The following E2F7 variants were observed in gnomAD, a reference collection of about 807,000 sequenced individuals.
E2F7 encodes transcription factor E2F7.
Under a neutral mutation model 81.1 loss-of-function variants are expected in E2F7, and 35 were observed. That is an observed-to-expected ratio of 0.43 (90% confidence interval 0.33 to 0.57). The LOEUF is 0.57. Ranked by LOEUF, E2F7 falls within the 20% of genes least tolerant of loss-of-function variation. The pLI, the probability that E2F7 is intolerant of heterozygous loss-of-function variation, is 0.04. For missense variants in E2F7, 961 were observed against 1,093.7 expected, an observed-to-expected ratio of 0.88 and a Z score of 1.71; for synonymous variants, 416 against 416.2, an observed-to-expected ratio of 1.00 and a Z score of 0.01.
intron 3 of E2F7, among the ~76,000 whole-genome samples, chr12:77,051,058 C>T (rs1398280062): frequency 6.6e-6 from 1 of 152,142 alleles, no homozygotes; most frequent in Non-Finnish European, 1.5e-5. Flanking sequence ...ATCAGCATCA[C>T]CAAGAGCTTG....
chr12:77,046,441 T>G, intron 4 of E2F7, 113 bp from the exon 5 acceptor site: 8 of 1,129,930 alleles, frequency 7.1e-6, no homozygotes, highest in Non-Finnish European at 9.9e-6. Flanking sequence ...CCCAATATAA[T>G]GCCCACTGCG....
In E2F7 at chr12:77,033,106, A is replaced by G. The variant is rs1954819457; in HGVS notation, c.1326T>C (p.Ser442=). Residue 442 remains serine, a synonymous_variant, in exon 9 of 13, where the codon TCT becomes TCC. Coordinates refer to ENST00000322886, the MANE Select transcript of E2F7 (RefSeq NM_203394.3). ...CAGCTGCCAGGCTTCCAATTTCTAAAGAGTAGCCACCTGATCCTGAAAAGG... is the reference window on the plus strand; with the variant it reads ...CAGCTGCCAGGCTTCCAATTTCTAAGGAGTAGCCACCTGATCCTGAAAAGG... ...YREEQGSGGY[S]LEIGSLAAVY... is the part of the protein sequence containing the mutation. The G allele has an allele frequency of 6.2e-7, 1 of 1,613,892 alleles. No homozygotes were observed. The highest frequency in any genetic ancestry group is 2.2e-5 in the East Asian group (1 of 44,862).
At chr12:77,041,441 G>T (rs1001382870) in intron 7 of E2F7, among the ~76,000 whole-genome samples, 4 of 151,948 alleles carry the variant, frequency 2.6e-5, no homozygotes, top group African/African-American at 9.7e-5. Context: ...TCTGCCTGCC[G>T]TGGCCTCCCA....
chr12:77,029,763 T>C (rs1954788998), intron 10 of E2F7, 68 bp downstream of exon 10: 1 of 1,577,660 alleles, frequency 6.3e-7, no homozygotes, highest in African/African-American at 1.4e-5. Context: ...AATATCAGTG[T>C]ATCTTCATTA....
rs772717734 is a variant in E2F7, at chr12:77,046,136, T to A, written c.731A>T (p.Asp244Val). Residue 244 changes from aspartate to valine, a missense_variant, in exon 5 of 13, where the codon GAC becomes GTC. Transcript: ENST00000322886. ...QMAYLQQKEL[D>V]LIDYKFGERK... ...TTCTCCAAATTTATAATCTATCAGG[T>A]CCAGCTCTTTCTGTTGGAGGTAGGC... is the stretch of plus-strand genomic sequence containing the variant. 6.2e-7 allele frequency: 1 copy of A among 1,614,202 alleles called. No individual in the cohort carries two copies. The highest frequency in any genetic ancestry group is 1.1e-5 in the South Asian group (1 of 91,074).
Position 77,057,033 on chromosome 12 carries a change from T to C in E2F7, c.94-903A>G, listed in dbSNP as rs563022675. ...TCCCAAGTAGCTGGGACCACAGACA[T>C]GCACCACTACACCCAAATACTTATA... On this transcript the variant is annotated intron_variant, in intron 2 of 12. Coordinates refer to ENST00000322886, the MANE Select transcript of E2F7 (RefSeq NM_203394.3). Among the ~76,000 whole-genome samples, 388 of 151,902 alleles carry C rather than the reference T, an allele frequency of 2.6e-3. 1 individual carries two copies. Among genetic ancestry groups the C allele is most frequent in the Admixed American group, 4.1e-3 (63 of 15,256 alleles).
At chr12:77,035,071 A>C (rs995106453) in intron 7 of E2F7, among the ~76,000 whole-genome samples, 1 of 152,216 alleles carries the variant, frequency 6.6e-6, no homozygotes, top group African/African-American at 2.4e-5. Context: ...CAGGACATGA[A>C]GGACAGTGAT....
rs1954950288 is a variant in E2F7, at chr12:77,047,178, TTA to T, written c.539-852_539-851del. ...TGTCCATTAAACCTAGCAAAAATACTTATAGTTGTTAAGGGTGGGGGGCTCTT... is the reference window on the plus strand; with the variant it reads ...TGTCCATTAAACCTAGCAAAAATACTTAGTTGTTAAGGGTGGGGGGCTCTT... On this transcript the variant is annotated intron_variant, in intron 4 of 12. Transcript: ENST00000322886. 2.0e-5 allele frequency among the ~76,000 whole-genome samples: 3 copies of T among 152,272 alleles called. No homozygotes were observed. The South Asian group carries it at 6.2e-4, about 32-fold the overall frequency.
At chr12:77,049,509 C>T (rs1037168933) in intron 4 of E2F7, among the ~76,000 whole-genome samples, 1 of 152,178 alleles carries the variant, frequency 6.6e-6, no homozygotes, top group African/African-American at 2.4e-5. Context: ...AAGGTAGGTG[C>T]TGCAGTTTCC....
At chr12:77,052,308 AG>A (rs1954996658) in intron 3 of E2F7, among the ~76,000 whole-genome samples, 1 of 152,166 alleles carries the variant, frequency 6.6e-6, no homozygotes, top group Admixed American at 6.5e-5. Flanking sequence ...AAATAAGTTG[AG>A]GGTCCCATTT....
At chr12:77,047,384 C>T (rs1392883242) in intron 4 of E2F7, among the ~76,000 whole-genome samples, 2 of 152,146 alleles carry the variant, frequency 1.3e-5, no homozygotes, top group African/African-American at 2.4e-5. Flanking sequence ...TTTGTCATTC[C>T]TTTTGGCATG....
chr12:77,060,135 G>A (rs1955066887), intron 2 of E2F7, among the ~76,000 whole-genome samples: 1 of 151,984 alleles, frequency 6.6e-6, no homozygotes, highest in African/African-American at 2.4e-5. Flanking sequence ...GATCCCAAGA[G>A]TACTTCCTAA....
At position 77,023,792 on chromosome 12, in the gene E2F7, C is replaced by CT; in HGVS notation, c.*222dup. The CT allele has an allele frequency of 1.9e-6, 1 of 515,626 alleles. No individual in the cohort carries two copies. The highest frequency in any genetic ancestry group is 3.3e-6 in the Non-Finnish European group (1 of 300,718). 31.9% of individuals were successfully genotyped at this position (515,626 alleles called of 1,614,324 possible). A position where few individuals can be genotyped will look rare whatever the true frequency, so the allele number is the denominator to read the frequency against. ...AATCAAAACCATAAGTCAGTCGGCG[C>CT]TTTCACTGTGACACCATGCAGAGTC... is the stretch of plus-strand genomic sequence containing the variant. On this transcript the variant is annotated 3_prime_UTR_variant, in exon 13 of 13. Coordinates refer to ENST00000322886, the MANE Select transcript of E2F7 (RefSeq NM_203394.3).
intron 1 of E2F7, 95 bp downstream of exon 1, chr12:77,065,250 G>A (rs1955109939): frequency 6.6e-6 from 1 of 152,308 alleles, no homozygotes; most frequent in Non-Finnish European, 1.5e-5. Flanking sequence ...TCGCCAGCCG[G>A]GGGACGTGAG....
rs1336971407 is a variant in E2F7, at chr12:77,030,307, C to T, written c.1408G>A (p.Val470Met). 3 of 1,560,360 alleles carry T rather than the reference C, an allele frequency of 1.9e-6. No individual in the cohort carries two copies. The highest frequency in any genetic ancestry group is 1.9e-5 in the Admixed American group (1 of 51,746). The change falls in exon 10 of 13, where the codon GTG (valine) becomes ATG (methionine). Residue 470 changes from valine (V) to methionine (M), a missense_variant. Physicochemically the swap from Val to Met is conservative, Grantham distance 21 (BLOSUM62 1). Around this residue, in one of 3 missense-constraint regions of E2F7, gnomAD observed 587 missense variants for 620.3 expected, o/e 0.95. Transcript: ENST00000322886. Reference sequence around the variant, plus strand: ...TCCAAGCTGCTTGATGGAGGCACCACTCTCTTACTGGCAAAGGCTTTTCCC... The same window carrying T: ...TCCAAGCTGCTTGATGGAGGCACCATTCTCTTACTGGCAAAGGCTTTTCCC... ...SQGKAFASKR[V>M]VPPSSSLDPV... is the part of the protein sequence containing the mutation.
chr12:77,033,195 C>G (rs1565898052), intron 8 of E2F7, 73 bp from the exon 9 acceptor site: 2 of 1,329,364 alleles, frequency 1.5e-6, no homozygotes, highest in Non-Finnish European at 2.1e-6. Flanking sequence ...TGAGAATTAT[C>G]TAGCTGAGAA....
chr12:77,054,617 T>C (rs1955017173), intron 3 of E2F7, among the ~76,000 whole-genome samples: 1 of 152,162 alleles, frequency 6.6e-6, no homozygotes, highest in African/African-American at 2.4e-5. Context: ...AAAATCTCTC[T>C]ATAAAGCCTG....
intron 9 of E2F7, among the ~76,000 whole-genome samples, chr12:77,032,145 G>T (rs1450091764): frequency 6.6e-6 from 1 of 152,194 alleles, no homozygotes; most frequent in Non-Finnish European, 1.5e-5. Context: ...TCTGTGGCCT[G>T]TCTTTCTCTA....
intron 10 of E2F7, 77 bp downstream of exon 10, chr12:77,029,754 A>T (rs1015704953): frequency 3.2e-6 from 5 of 1,562,450 alleles, no homozygotes; most frequent in Admixed American, 1.8e-5. Flanking sequence ...TTGCTTATTA[A>T]TATCAGTGTA....
Sources: gnomAD v4.1 joint callset for allele counts (sites outside exome capture counted in the v4.1 genomes callset) on GRCh38, gnomAD v4.1.1 for gene constraint, gnomAD v4.1.1 regional missense constraint, MANE v1.5 for transcripts, NCBI Gene and HGNC (gene_info 2026-07-23, HGNC 2026-07-21) for gene names.